Variants in RBMS3 observed in about 807,000 individuals in gnomAD.
RBMS3 encodes the protein RNA binding motif single stranded interacting protein 3.
Under a neutral mutation model 66.8 loss-of-function variants are expected in RBMS3, and 27 were observed. The observed-to-expected ratio is 0.40, with a 90% CI of 0.30 to 0.56. RBMS3 has a LOEUF of 0.56. Ranked by LOEUF, RBMS3 falls within the 20% of genes least tolerant of loss-of-function variation. RBMS3 has a pLI of 0.40. For synonymous variants in RBMS3, 188 were observed against 183.0 expected (o/e 1.03, Z -0.22); for missense variants, 513 against 549.5 (o/e 0.93, Z 0.66).
At chr3:29,609,079 A>G (rs2048405384) in intron 4 of RBMS3, among the ~76,000 whole-genome samples, 1 of 152,038 alleles carries the variant, frequency 6.6e-6, no homozygotes, top group Non-Finnish European at 1.5e-5. Flanking sequence ...ATGCTTTTAT[A>G]AAATATAATA....
chr3:29,949,815 T>C (rs1329197085), intron 12 of RBMS3, among the ~76,000 whole-genome samples: 1 of 151,740 alleles, frequency 6.6e-6, no homozygotes, highest in East Asian at 1.9e-4. Flanking sequence ...CAGGGGATCA[T>C]CAAAACCAGG....
chr3:29,443,574 A>G (rs1356004924), intron 2 of RBMS3, among the ~76,000 whole-genome samples: 1 of 152,282 alleles, frequency 6.6e-6, no homozygotes, highest in East Asian at 1.9e-4. Flanking sequence ...CATTACAGAC[A>G]TATGTAAGAA....
chr3:29,595,282 C>T (rs2047903850), intron 4 of RBMS3, among the ~76,000 whole-genome samples: 1 of 151,534 alleles, frequency 6.6e-6, no homozygotes, highest in East Asian at 1.9e-4. Context: ...ACCTGTAATC[C>T]CAGCTACTCG....
At chr3:29,877,065 G>C (rs9872372) in intron 7 of RBMS3, among the ~76,000 whole-genome samples, 46,566 of 152,114 alleles carry the variant, frequency 0.31, 9,804 homozygotes, top group African/African-American at 0.61. Flanking sequence ...CATAAACACC[G>C]AAACAAGAGA....
chr3:29,753,812 G>T (rs2055289536), intron 5 of RBMS3, among the ~76,000 whole-genome samples: 1 of 152,142 alleles, frequency 6.6e-6, no homozygotes, highest in African/African-American at 2.4e-5. Context: ...AGAATGTTTA[G>T]ATTTGTCAAT....
chr3:29,848,602 G>C (rs930687777), intron 6 of RBMS3, among the ~76,000 whole-genome samples: 1 of 152,220 alleles, frequency 6.6e-6, no homozygotes, highest in Admixed American at 6.5e-5. Context: ...CAGGGATGCT[G>C]AATCAGACAA....
At chr3:29,505,518 TG>T (rs1372760940) in intron 3 of RBMS3, among the ~76,000 whole-genome samples, 1,666 of 117,794 alleles carry the variant, frequency 0.014, 24 homozygotes, top group African/African-American at 0.052. Flanking sequence ...TTTTTTTTTT[TG>T]TTGTTTGTTT....
At position 29,991,202 on chromosome 3, in the gene RBMS3, C is replaced by T; in HGVS notation, c.1300C>T (p.Gln434Ter). The T allele has an allele frequency of 3.1e-6, 5 of 1,614,104 alleles. No homozygotes were observed. Among genetic ancestry groups the T allele is most frequent in the Non-Finnish European group, 4.2e-6 (5 of 1,180,018 alleles). Residue 434 changes from glutamine to a stop codon, truncating the protein, a stop_gained, in exon 14 of 15, where the codon CAG (glutamine) becomes TAG (stop). Transcript: ENST00000383767. LOFTEE classifies it high-confidence loss of function. ...NEHAPAYSYQ[Q>*]SKP ...ACATGCACCTGCATATTCTTACCAA[C>T]AGTCTAAGTAAGTCTGGGCTGTGCT...
intron 3 of RBMS3, among the ~76,000 whole-genome samples, chr3:29,493,934 G>T (rs2043644753): frequency 6.6e-6 from 1 of 152,128 alleles, no homozygotes; most frequent in Non-Finnish European, 1.5e-5. Flanking sequence ...GTCATTAGAG[G>T]ACACAAATTG....
intron 9 of RBMS3, among the ~76,000 whole-genome samples, chr3:29,897,754 TG>T (rs1326674294): frequency 6.6e-6 from 1 of 151,620 alleles, no homozygotes; most frequent in Non-Finnish European, 1.5e-5. Context: ...CTCTCACCAC[TG>T]GGAAATTATT....
At chr3:29,894,592 A>G (rs1163761009) in intron 8 of RBMS3, among the ~76,000 whole-genome samples, 4 of 151,458 alleles carry the variant, frequency 2.6e-5, no homozygotes. Flanking sequence ...TTTAACCCCA[A>G]TTACTTCCTT....
chr3:29,554,431 G>T (rs2046278000), intron 3 of RBMS3, among the ~76,000 whole-genome samples: 1 of 152,160 alleles, frequency 6.6e-6, no homozygotes, highest in South Asian at 2.1e-4. Context: ...GCTATTAAAA[G>T]GAGGCAGACA....
In RBMS3 at chr3:29,527,181, T is replaced by TTAAAAAAAAAAAAAAA. The variant is rs1491567884; in HGVS notation, c.307+38682_307+38683insTAAAAAAAAAAAAAAA. ...TTTCAGACGTGATTGTTAGGTAGAGTAAAAAAAAAAAAAAAAAAAAAAAAA... is the reference window on the plus strand; with the variant it reads ...TTTCAGACGTGATTGTTAGGTAGAGTTAAAAAAAAAAAAAAAAAAAAAAAAAAAAAAAAAAAAAAAA... On this transcript the variant is annotated intron_variant, in intron 3 of 14. Coordinates refer to ENST00000383767, the MANE Select transcript of RBMS3 (RefSeq NM_001003793.3). 2.5e-3 allele frequency among the ~76,000 whole-genome samples: 217 copies of TTAAAAAAAAAAAAAAA among 87,812 alleles called. 24 individuals carry two copies. Among genetic ancestry groups the TTAAAAAAAAAAAAAAA allele is most frequent in the African/African-American group, 4.8e-3 (102 of 21,070 alleles). 57.6% of individuals were successfully genotyped at this position (87,812 alleles called of 152,430 possible). A position where few individuals can be genotyped will look rare whatever the true frequency, so the allele number is the denominator to read the frequency against.
chr3:29,413,409 CAT>C (rs756305551), intron 1 of RBMS3, among the ~76,000 whole-genome samples: 18,124 of 151,290 alleles, frequency 0.12, 1,243 homozygotes, highest in South Asian at 0.18. Flanking sequence ...TACATACATA[CAT>C]ACATACATAC....
At chr3:29,434,059 G>A (rs1435386759) in intron 1 of RBMS3, among the ~76,000 whole-genome samples, 1 of 152,170 alleles carries the variant, frequency 6.6e-6, no homozygotes, top group African/African-American at 2.4e-5. Context: ...TGTCCAGATG[G>A]TTTATAGTGC....
chr3:29,412,792 A>G (rs948086856), intron 1 of RBMS3, among the ~76,000 whole-genome samples: 1 of 152,216 alleles, frequency 6.6e-6, no homozygotes, highest in Non-Finnish European at 1.5e-5. Context: ...AATGTCTCCT[A>G]GAACCTTAAG....
chr3:29,737,717 AAAAC>A (rs1182426537), intron 4 of RBMS3, among the ~76,000 whole-genome samples: 1 of 152,136 alleles, frequency 6.6e-6, no homozygotes, highest in African/African-American at 2.4e-5. Flanking sequence ...CACAAAAACA[AAAAC>A]AAAAACAAGA....
At chr3:29,645,757 C>A (rs1322745669) in intron 4 of RBMS3, among the ~76,000 whole-genome samples, 1 of 152,156 alleles carries the variant, frequency 6.6e-6, no homozygotes, top group Non-Finnish European at 1.5e-5. Flanking sequence ...TCCAAGAGGA[C>A]ATTTGATGTT....
At chr3:29,878,499 G>A (rs939520254) in intron 7 of RBMS3, among the ~76,000 whole-genome samples, 2 of 151,768 alleles carry the variant, frequency 1.3e-5, no homozygotes, top group Non-Finnish European at 2.9e-5. Flanking sequence ...CTGACCTCCT[G>A]CCCATTCTCA....
Sources: gnomAD v4.1 joint callset for allele counts (sites outside exome capture counted in the v4.1 genomes callset) on GRCh38, gnomAD v4.1.1 for gene constraint, MANE v1.5 for transcripts, NCBI Gene and HGNC (gene_info 2026-07-23, HGNC 2026-07-21) for gene names.